The following CUX2 variants were observed in gnomAD, a reference collection of about 807,000 sequenced individuals.
CUX2 encodes the protein homeobox protein cut-like 2.
In CUX2, 40 loss-of-function variants were observed where a neutral mutation model predicts 144.8. The observed-to-expected ratio is 0.28, with a 90% CI of 0.21 to 0.36. The LOEUF (loss-of-function observed/expected upper bound fraction) is 0.36. Among genes scored for constraint, CUX2 ranks in the 10% least tolerant of loss-of-function variants. CUX2 has a pLI of 1.00. For synonymous variants in CUX2, 827 were observed against 875.6 expected (o/e 0.94, Z 0.98); for missense variants, 1,615 against 1,994.0 (o/e 0.81, Z 3.62).
At position 111,304,690 on chromosome 12, in the gene CUX2, G is replaced by T. The variant is rs566489010; in HGVS notation, c.858+376G>T. On this transcript the variant is annotated intron_variant, in intron 10 of 21. Transcript: ENST00000261726. This position sits in a 1 kb window ranked among gnomAD's most constrained non-coding sequence, Gnocchi z 4.7. ...CAGATGCACCAGCAAAGACATGGGG[G>T]AGAGGGAGTTTGAGGCAATACAGCA... is the stretch of plus-strand genomic sequence containing the variant. 9.8e-5 allele frequency among the ~76,000 whole-genome samples: 15 copies of T among 152,336 alleles called. No individual in the cohort carries two copies. Among genetic ancestry groups the T allele is most frequent in the African/African-American group, 3.4e-4 (14 of 41,578 alleles).
chr12:111,308,503 A>T lies in CUX2; in HGVS notation c.1235A>T (p.Lys412Met), dbSNP rs1886713514. ...FFPTQKFLLE[K>M]PSLLASPEED... The stretch of plus-strand genomic sequence containing the variant: ...CCCACGCAGAAATTCCTTCTGGAGA[A>T]GCCCAGCCTCCTGGCCAGCCCTGGT... The change falls in exon 14 of 22, where the codon AAG becomes ATG. Residue 412 changes from lysine (K) to methionine (M), a missense_variant. Lys to Met is a moderately conservative substitution (Grantham distance 95). This residue lies in a region of CUX2 where 57 missense variants were observed against 60.8 expected (regional missense o/e 0.94). Coordinates refer to ENST00000261726, the MANE Select transcript of CUX2 (RefSeq NM_015267.4). The T allele has an allele frequency of 1.9e-6, 3 of 1,613,314 alleles. No homozygotes were observed. The highest frequency in any genetic ancestry group is 2.5e-6 in the Non-Finnish European group (3 of 1,179,732).
chr12:111,169,061 G>A lies in CUX2; in HGVS notation c.64-45139G>A, dbSNP rs1318174970. Among the ~76,000 whole-genome samples the A allele has an allele frequency of 3.3e-5, 5 of 152,052 alleles. No individual in the cohort carries two copies. The East Asian group carries it at 9.6e-4, about 29-fold the overall frequency. On this transcript the variant is annotated intron_variant, in intron 1 of 21. Transcript: ENST00000261726. ...GAACCTCAGGGTATGACCTTATTTAGAAACAGGGTCTCTGCAGGTGAAATC... is the reference window on the plus strand; with the variant it reads ...GAACCTCAGGGTATGACCTTATTTAAAAACAGGGTCTCTGCAGGTGAAATC...
Position 111,293,397 on chromosome 12 carries a change from C to A in CUX2, c.437-49C>A. On this transcript the variant is annotated intron_variant, in intron 5 of 21. Transcript: ENST00000261726. This position sits in a 1 kb window ranked among gnomAD's most constrained non-coding sequence, Gnocchi z 4.5. ...GTTTACAGAAAGCGGCTCTGGCTGC[C>A]ACGTTGCTCTCTTGGCAATGGGGGT... The A allele has an allele frequency of 6.4e-7, 1 of 1,564,862 alleles. No homozygotes were observed.
chr12:111,192,999 T>G (rs530097163), intron 1 of CUX2, among the ~76,000 whole-genome samples: 3 of 152,356 alleles, frequency 2.0e-5, no homozygotes, highest in Non-Finnish European at 4.4e-5. Flanking sequence ...CCATCATTTT[T>G]AAGCACCTAA....
chr12:111,078,264 A>G (rs1592870684), intron 1 of CUX2, among the ~76,000 whole-genome samples: 2 of 152,182 alleles, frequency 1.3e-5, no homozygotes, highest in South Asian at 4.2e-4. Context: ...TTCTGGTGGG[A>G]GGAGCCAGGC....
At position 111,304,171 on chromosome 12, in the gene CUX2, TG is replaced by T; in HGVS notation, c.754-36del. 2 of 1,532,356 alleles carry T rather than the reference TG, an allele frequency of 1.3e-6. No individual in the cohort carries two copies. Among genetic ancestry groups the T allele is most frequent in the South Asian group, 1.2e-5 (1 of 86,506 alleles). The allele number at this position is 1,532,356 out of a possible 1,614,324, so 94.9% of individuals were successfully genotyped here. ...GCAGGGAGAAGGTGGAAGTGCAGAG[TG>T]GGCTCACCTCTCGCCCACACTGTCC... On this transcript the variant is annotated intron_variant, in intron 9 of 21. Coordinates refer to ENST00000261726, the MANE Select transcript of CUX2 (RefSeq NM_015267.4). This position sits in a 1 kb window ranked among gnomAD's most constrained non-coding sequence, Gnocchi z 4.7.
rs966278438 is a variant in CUX2 at position 111,322,168 on chromosome 12, A to T, written c.2767-253A>T. On this transcript the variant is annotated intron_variant, in intron 17 of 21. Coordinates refer to ENST00000261726, the MANE Select transcript of CUX2 (RefSeq NM_015267.4). The surrounding 1 kb of genome is among the most constrained non-coding windows in gnomAD (Gnocchi z 4.2). Reference sequence around the variant, plus strand: ...CCCCATCTCTACTAAAAATACAAAAATTAGCCAGACGTGCACCAGCCTGGT... The same window carrying T: ...CCCCATCTCTACTAAAAATACAAAATTTAGCCAGACGTGCACCAGCCTGGT... Among the ~76,000 whole-genome samples the T allele has an allele frequency of 8.6e-5, 13 of 151,946 alleles. No individual in the cohort carries two copies. Among genetic ancestry groups the T allele is most frequent in the African/African-American group, 3.1e-4 (13 of 41,352 alleles).
At chr12:111,086,252 G>A (rs1872210173) in intron 1 of CUX2, among the ~76,000 whole-genome samples, 1 of 152,216 alleles carries the variant, frequency 6.6e-6, no homozygotes, top group Admixed American at 6.5e-5. Flanking sequence ...AGCAATGGAT[G>A]TGAGTTCAGA....
chr12:111,238,721 C>T (rs1882881369), intron 3 of CUX2, among the ~76,000 whole-genome samples: 1 of 152,124 alleles, frequency 6.6e-6, no homozygotes, highest in African/African-American at 2.4e-5. Flanking sequence ...TCCACATACA[C>T]ACACACACAT....
intron 18 of CUX2, among the ~76,000 whole-genome samples, chr12:111,328,622 CAG>C (rs1210297494): frequency 3.8e-5 from 4 of 104,464 alleles, no homozygotes; most frequent in African/African-American, 1.4e-4. Context: ...GTGTGTGTGA[CAG>C]AGTCTCACTC....
At chr12:111,198,140 C>A (rs191499244) in intron 1 of CUX2, among the ~76,000 whole-genome samples, 2 of 151,908 alleles carry the variant, frequency 1.3e-5, no homozygotes, top group African/African-American at 4.8e-5. Context: ...ATTGTCATTC[C>A]GTGGGCAGAG....
chr12:111,077,305 C>G lies in CUX2; in HGVS notation c.63+43065C>G, dbSNP rs1313241643. ...AAACGCGCAGCCGTGTGGCAGGGCC[C>G]GGGAAGACGTGGGTAATGTATTCAC... is the stretch of plus-strand genomic sequence containing the variant. On this transcript the variant is annotated intron_variant, in intron 1 of 21. Coordinates refer to ENST00000261726, the MANE Select transcript of CUX2 (RefSeq NM_015267.4). The surrounding 1 kb of genome is among the most constrained non-coding windows in gnomAD (Gnocchi z 4.1). Among the ~76,000 whole-genome samples the G allele has an allele frequency of 2.0e-5, 3 of 152,212 alleles. No homozygotes were observed. Among genetic ancestry groups the G allele is most frequent in the African/African-American group, 7.2e-5 (3 of 41,548 alleles).
chr12:111,040,556 C>G (rs1028510176), intron 1 of CUX2, among the ~76,000 whole-genome samples: 2 of 152,144 alleles, frequency 1.3e-5, no homozygotes, highest in African/African-American at 2.4e-5. Context: ...TCATTCTGAG[C>G]CCAAATGTCG....
chr12:111,094,688 G>A (rs1478517271), intron 1 of CUX2, among the ~76,000 whole-genome samples: 1 of 152,174 alleles, frequency 6.6e-6, no homozygotes, highest in Non-Finnish European at 1.5e-5. Flanking sequence ...GGGGGAGATG[G>A]AGGTCTCACT....
chr12:111,180,814 G>A (rs539767868), intron 1 of CUX2, among the ~76,000 whole-genome samples: 3 of 152,338 alleles, frequency 2.0e-5, no homozygotes, highest in Admixed American at 6.5e-5. Context: ...GCCGGTGGGC[G>A]AGGCTCCCCT....
At chr12:111,106,878 A>G (rs1447440104) in intron 1 of CUX2, among the ~76,000 whole-genome samples, 2 of 152,192 alleles carry the variant, frequency 1.3e-5, no homozygotes, top group Non-Finnish European at 1.5e-5. Context: ...ACAGGGGACA[A>G]CCTGGGGACA....
chr12:111,196,464 G>A (rs1183541277), intron 1 of CUX2, among the ~76,000 whole-genome samples: 1 of 152,182 alleles, frequency 6.6e-6, no homozygotes, highest in African/African-American at 2.4e-5. Context: ...ATTCCCACCA[G>A]CAGTATCTGG....
At chr12:111,305,250 A>G (rs907368597) in intron 10 of CUX2, among the ~76,000 whole-genome samples, 1 of 152,146 alleles carries the variant, frequency 6.6e-6, no homozygotes, top group African/African-American at 2.4e-5. Context: ...AAGGGGTGAG[A>G]TTCATGATTC....
In CUX2 at chr12:111,190,221, G is replaced by C. The variant is rs140804189; in HGVS notation, c.64-23979G>C. On this transcript the variant is annotated intron_variant, in intron 1 of 21. Coordinates refer to ENST00000261726, the MANE Select transcript of CUX2 (RefSeq NM_015267.4). This position sits in a 1 kb window ranked among gnomAD's most constrained non-coding sequence, Gnocchi z 4.0. Reference sequence around the variant, plus strand: ...GGAGTGCTTGATTCTGCACACATCAGATAAACTGTACATTCCTTCTCTCTC... The same window carrying C: ...GGAGTGCTTGATTCTGCACACATCACATAAACTGTACATTCCTTCTCTCTC... 1.1e-4 allele frequency among the ~76,000 whole-genome samples: 16 copies of C among 152,190 alleles called. No homozygotes were observed. The highest frequency in any genetic ancestry group is 3.9e-4 in the African/African-American group (16 of 41,504).
Sources: allele counts gnomAD v4.1 joint callset (sites outside exome capture counted in the v4.1 genomes callset), GRCh38; gene constraint gnomAD v4.1.1; regional missense constraint gnomAD v4.1.1; non-coding constraint Gnocchi (gnomAD v3.1); transcripts MANE v1.5; gene names NCBI Gene and HGNC (gene_info 2026-07-23, HGNC 2026-07-21).